SIPA1L2: variants seen among roughly 807,000 people sequenced by gnomAD.
SIPA1L2 encodes the protein signal-induced proliferation-associated 1-like protein 2.
SIPA1L2 carries 56 observed loss-of-function variants against 163.9 expected under a neutral mutation model. The observed-to-expected ratio is 0.34, with a 90% confidence interval of 0.28 to 0.43. The LOEUF is 0.43. Ranked by LOEUF, SIPA1L2 falls within the 20% of genes least tolerant of loss-of-function variation. The pLI, the probability that SIPA1L2 is intolerant of heterozygous loss-of-function variation, is 1.00. For missense variants in SIPA1L2, 1,974 were observed against 2,193.5 expected (o/e 0.90, Z 2.00); for synonymous variants, 877 against 865.7 (o/e 1.01, Z -0.23).
intron 1 of SIPA1L2, among the ~76,000 whole-genome samples, chr1:232,616,655 C>T (rs1573181071): frequency 6.6e-6 from 1 of 152,218 alleles, no homozygotes; most frequent in Admixed American, 6.5e-5. Context: ...AAGAAATCAG[C>T]TTTTCCACTG....
intron 6 of SIPA1L2, 93 bp downstream of exon 6, chr1:232,483,699 A>G: frequency 7.1e-7 from 1 of 1,417,024 alleles, no homozygotes; most frequent in Non-Finnish European, 9.8e-7. Context: ...TGGGGCCGGG[A>G]ACAGGAGGGC....
chr1:232,531,782 G>A (rs546192491), intron 2 of SIPA1L2, among the ~76,000 whole-genome samples: 6 of 152,222 alleles, frequency 3.9e-5, no homozygotes, highest in South Asian at 2.1e-4. Flanking sequence ...TGTAGGTGCC[G>A]GTATGGGCGT....
intron 1 of SIPA1L2, among the ~76,000 whole-genome samples, chr1:232,629,413 G>A (rs1282983011): frequency 2.0e-5 from 3 of 152,208 alleles, no homozygotes. Flanking sequence ...CGGTGAGGGC[G>A]CGCGCTCCGG....
chr1:232,562,245 G>A (rs776444754), intron 2 of SIPA1L2, among the ~76,000 whole-genome samples: 13 of 152,192 alleles, frequency 8.5e-5, no homozygotes, highest in Non-Finnish European at 1.6e-4. Flanking sequence ...AGGCACATGC[G>A]TCTGTAACAG....
intron 2 of SIPA1L2, among the ~76,000 whole-genome samples, chr1:232,564,652 A>G (rs1226653879): frequency 6.6e-6 from 1 of 152,194 alleles, no homozygotes; most frequent in African/African-American, 2.4e-5. Flanking sequence ...ATTTTAATTT[A>G]GCGTTTACTT....
intron 10 of SIPA1L2, among the ~76,000 whole-genome samples, chr1:232,455,790 T>G (rs1297666479): frequency 6.6e-6 from 1 of 151,284 alleles, no homozygotes; most frequent in Non-Finnish European, 1.5e-5. Context: ...CGAAACCATG[T>G]CTTTTGCAGC....
At position 232,581,497 on chromosome 1, in the gene SIPA1L2, CCT is replaced by C. The variant is rs527622573; in HGVS notation, c.-318-7277_-318-7276del. Among the ~76,000 whole-genome samples, 56 of 152,188 alleles carry C rather than the reference CCT, an allele frequency of 3.7e-4. 1 individual carries two copies. The highest frequency in any genetic ancestry group is 1.3e-3 in the African/African-American group (55 of 41,522). On this transcript the variant is annotated intron_variant, in intron 1 of 22. Coordinates refer to ENST00000674635, the MANE Select transcript of SIPA1L2 (RefSeq NM_020808.5). ...GAGGCCTTCTGACAATGTTTGAGCC[CCT>C]GAATCCAACAATGCCTGTAGTATGC...
chr1:232,523,407 C>T (rs1558243378), intron 2 of SIPA1L2, among the ~76,000 whole-genome samples: 1 of 152,066 alleles, frequency 6.6e-6, no homozygotes, highest in East Asian at 1.9e-4. Flanking sequence ...GCAATGTGAC[C>T]CCTGAATTAC....
chr1:232,543,037 T>G lies in SIPA1L2; in HGVS notation c.-269-27429A>C, dbSNP rs183668491. On this transcript the variant is annotated intron_variant, in intron 2 of 22. Coordinates refer to ENST00000674635, the MANE Select transcript of SIPA1L2 (RefSeq NM_020808.5). ...GCTATTTTAAGTAAATTTTATAAATTTGTGCGCCTTCATGAGGCTTAATCT... is the reference window on the plus strand; with the variant it reads ...GCTATTTTAAGTAAATTTTATAAATGTGTGCGCCTTCATGAGGCTTAATCT... Among the ~76,000 whole-genome samples the G allele has an allele frequency of 5.9e-3, 906 of 152,306 alleles. 6 individuals are homozygous for G. Among genetic ancestry groups the G allele is most frequent in the Non-Finnish European group, 6.6e-3 (450 of 68,036 alleles).
intron 3 of SIPA1L2, among the ~76,000 whole-genome samples, chr1:232,495,826 T>G: frequency 6.6e-6 from 1 of 152,086 alleles, no homozygotes; most frequent in East Asian, 1.9e-4. Context: ...AAAAAAAAGT[T>G]CAGAAAAGTA....
rs1202011620 is a variant in SIPA1L2, at chr1:232,514,214, T to G, written c.1126A>C (p.Asn376His). ...TTGCTCCCTAAAGGGGACTCACAGT[T>G]GCCTGTCTGGCCCGTAGGCATCTGA... ...QTQMPTGQTGNCESPLGSKED... is the reference protein window; with the variant it reads ...QTQMPTGQTGHCESPLGSKED... The change falls in exon 3 of 23, where the codon AAC becomes CAC. Residue 376 changes from asparagine to histidine, a missense_variant. This residue lies in a region of SIPA1L2 where 607 missense variants were observed against 624.0 expected (regional missense o/e 0.97). Coordinates refer to ENST00000674635, the MANE Select transcript of SIPA1L2 (RefSeq NM_020808.5). 2 of 1,614,122 alleles carry G rather than the reference T, an allele frequency of 1.2e-6. No individual in the cohort carries two copies. The highest frequency in any genetic ancestry group is 2.7e-5 in the African/African-American group (2 of 74,936).
rs569549527 is a variant in SIPA1L2, at chr1:232,568,080, G to A, written c.-270+6094C>T. ...ACCTATGCATTTCATCTGTAGAAGA[G>A]ACATGTAACATCCTTTGTAATAAAC... On this transcript the variant is annotated intron_variant, in intron 2 of 22. Transcript: ENST00000674635. Among the ~76,000 whole-genome samples, 5 of 152,304 alleles carry A rather than the reference G, an allele frequency of 3.3e-5. No homozygotes were observed. In the East Asian group the frequency reaches 9.6e-4, roughly 29 times the overall value.
intron 2 of SIPA1L2, among the ~76,000 whole-genome samples, chr1:232,528,992 C>G (rs534050798): frequency 2.6e-5 from 4 of 152,322 alleles, no homozygotes; most frequent in Non-Finnish European, 5.9e-5. Context: ...TTCTCACACC[C>G]CCACTTTATA....
chr1:232,432,133 T>A, intron 16 of SIPA1L2, 114 bp downstream of exon 16: 1 of 837,970 alleles, frequency 1.2e-6, no homozygotes, highest in Non-Finnish European at 1.8e-6. Flanking sequence ...AAGAAAGATG[T>A]TTTTAGATTA....
intron 2 of SIPA1L2, among the ~76,000 whole-genome samples, chr1:232,552,127 A>AC (rs1279499977): frequency 6.6e-6 from 1 of 152,214 alleles, no homozygotes; most frequent in East Asian, 1.9e-4. Context: ...GGCGTGAGCC[A>AC]CCACACCCGG....
chr1:232,505,675 C>G (rs1370264864), intron 3 of SIPA1L2, among the ~76,000 whole-genome samples: 1 of 152,118 alleles, frequency 6.6e-6, no homozygotes, highest in South Asian at 2.1e-4. Flanking sequence ...ACATGGAGCC[C>G]GTGCGACCAC....
At chr1:232,551,644 G>A (rs1459600336) in intron 2 of SIPA1L2, among the ~76,000 whole-genome samples, 9 of 152,310 alleles carry the variant, frequency 5.9e-5, no homozygotes, top group Non-Finnish European at 1.3e-4. Flanking sequence ...CAGACAGAGC[G>A]CTCCAGGCTG....
chr1:232,429,713 C>T, intron 16 of SIPA1L2, among the ~76,000 whole-genome samples: 1 of 151,684 alleles, frequency 6.6e-6, no homozygotes, highest in East Asian at 1.9e-4. Flanking sequence ...AAGAAGAAAC[C>T]AAGACGCTGG....
intron 8 of SIPA1L2, among the ~76,000 whole-genome samples, chr1:232,466,842 G>A (rs1664545771): frequency 6.6e-6 from 1 of 152,042 alleles, no homozygotes; most frequent in Non-Finnish European, 1.5e-5. Flanking sequence ...AGATTAAGAC[G>A]AGTAAGTGAA....
Sources: gnomAD v4.1 joint callset for allele counts (sites outside exome capture counted in the v4.1 genomes callset) on GRCh38, gnomAD v4.1.1 for gene constraint, gnomAD v4.1.1 regional missense constraint, MANE v1.5 for transcripts, NCBI Gene and HGNC (gene_info 2026-07-23, HGNC 2026-07-21) for gene names.